LRRC4C: variants seen among roughly 807,000 people sequenced by gnomAD.
LRRC4C encodes leucine rich repeat containing 4C.
Under a neutral mutation model 33.6 loss-of-function variants are expected in LRRC4C, and 5 were observed. The ratio of observed to expected loss-of-function variants is 0.15; its 90% CI spans 0.08 to 0.31. The LOEUF is 0.31. LRRC4C is among the 10% of genes least tolerant of loss of function. The probability of loss-of-function intolerance (pLI) is 1.00; values close to 1 mark genes in which losing one functional copy is unlikely to be tolerated. For synonymous variants in LRRC4C, 329 were observed against 302.0 expected, an observed-to-expected ratio of 1.09 and a Z score of -0.93; for missense variants, 560 against 796.7, an observed-to-expected ratio of 0.70 and a Z score of 3.58.
intron 1 of LRRC4C, among the ~76,000 whole-genome samples, chr11:41,324,911 T>C (rs990802751): frequency 3.9e-5 from 6 of 152,218 alleles, no homozygotes; most frequent in Non-Finnish European, 5.9e-5. Context: ...ATATTTAAAA[T>C]AGAGTTTTGA....
At chr11:40,392,170 G>T (rs1388971278) in intron 3 of LRRC4C, among the ~76,000 whole-genome samples, 2 of 152,140 alleles carry the variant, frequency 1.3e-5, no homozygotes, top group African/African-American at 2.4e-5. Flanking sequence ...GGGATGAATA[G>T]TTGGAACAAA....
chr11:41,325,096 TATA>T (rs1951068939), intron 1 of LRRC4C, among the ~76,000 whole-genome samples: 2 of 152,178 alleles, frequency 1.3e-5, no homozygotes, highest in Non-Finnish European at 2.9e-5. Flanking sequence ...ATTTAAAAAA[TATA>T]ATGTATACTG....
At chr11:40,348,082 G>A (rs892101932) in intron 3 of LRRC4C, among the ~76,000 whole-genome samples, 2 of 151,956 alleles carry the variant, frequency 1.3e-5, no homozygotes, top group Non-Finnish European at 2.9e-5. Flanking sequence ...CATGGATCAC[G>A]GTACCCAAAA....
chr11:40,490,095 AGTGT>A (rs1954070238), intron 3 of LRRC4C, among the ~76,000 whole-genome samples: 1 of 152,174 alleles, frequency 6.6e-6, no homozygotes, highest in South Asian at 2.1e-4. Flanking sequence ...CCTGCCATAT[AGTGT>A]ATGTTCAATA....
chr11:40,429,383 T>C (rs1015096648), intron 3 of LRRC4C, among the ~76,000 whole-genome samples: 2 of 152,198 alleles, frequency 1.3e-5, no homozygotes, highest in Admixed American at 1.3e-4. Context: ...CCTGATGAAC[T>C]GTTAAACTCC....
chr11:41,266,564 G>A (rs980488022), intron 1 of LRRC4C, among the ~76,000 whole-genome samples: 29 of 152,086 alleles, frequency 1.9e-4, no homozygotes, highest in Non-Finnish European at 3.2e-4. Context: ...CAATTGAAAT[G>A]AGAGGAAAAG....
chr11:41,136,262 G>A (rs780994835), intron 1 of LRRC4C, among the ~76,000 whole-genome samples: 3 of 152,076 alleles, frequency 2.0e-5, no homozygotes, highest in African/African-American at 2.4e-5. Flanking sequence ...AATCTTACGC[G>A]TGTAGGGGGC....
intron 3 of LRRC4C, among the ~76,000 whole-genome samples, chr11:40,414,036 A>AT (rs561712326): frequency 6.6e-6 from 1 of 152,004 alleles, no homozygotes; most frequent in Non-Finnish European, 1.5e-5. Flanking sequence ...ATCTAAACAC[A>AT]TTTTTTTGAC....
Position 40,115,470 on chromosome 11 carries a change from C to A in LRRC4C, c.823G>T (p.Ala275Ser). ...NLQSLVEINL[A>S]HNNLTLLPHD... ...GGCAGTAATGTTAGATTATTGTGTG[C>A]CAGGTTGATCTCCACTAGTGACTGA... is the stretch of plus-strand genomic sequence containing the variant. The change falls in exon 7 of 7, where the codon GCA becomes TCA. Residue 275 changes from alanine to serine, a missense_variant. Around this residue, in one of 3 missense-constraint regions of LRRC4C, gnomAD observed 455 missense variants for 643.8 expected, o/e 0.71. Coordinates refer to ENST00000528697, the MANE Select transcript of LRRC4C (RefSeq NM_001258419.2). This position sits in a 1 kb window ranked among gnomAD's most constrained non-coding sequence, Gnocchi z 6.7. 1.2e-6 allele frequency: 2 copies of A among 1,614,148 alleles called. No individual in the cohort carries two copies. The highest frequency in any genetic ancestry group is 1.7e-6 in the Non-Finnish European group (2 of 1,180,022).
At chr11:40,845,883 T>G (rs1170981722) in intron 2 of LRRC4C, among the ~76,000 whole-genome samples, 1 of 152,240 alleles carries the variant, frequency 6.6e-6, no homozygotes, top group Non-Finnish European at 1.5e-5. Flanking sequence ...CTAACTGGCA[T>G]GAGATGGTAT....
At chr11:41,233,317 A>AG (rs1947881283) in intron 1 of LRRC4C, among the ~76,000 whole-genome samples, 1 of 152,040 alleles carries the variant, frequency 6.6e-6, no homozygotes, top group Non-Finnish European at 1.5e-5. Flanking sequence ...TGTTGGCCTT[A>AG]GGGGGAAAAA....
chr11:41,037,574 TCACA>T (rs56234239), intron 1 of LRRC4C, among the ~76,000 whole-genome samples: 4,111 of 148,912 alleles, frequency 0.028, 53 homozygotes, highest in Middle Eastern at 0.045. Context: ...TCTTTTCCTT[TCACA>T]CACACACACA....
At chr11:40,886,437 G>GCA (rs1005366803) in intron 2 of LRRC4C, among the ~76,000 whole-genome samples, 2 of 42,340 alleles carry the variant, frequency 4.7e-5, no homozygotes, top group African/African-American at 1.1e-4. Context: ...ACACACACAC[G>GCA]CACACACTCT....
chr11:40,590,032 T>A (rs9666953), intron 3 of LRRC4C, among the ~76,000 whole-genome samples: 36,642 of 149,258 alleles, frequency 0.25, 4,670 homozygotes, highest in Middle Eastern at 0.36. Context: ...CCTGCCTTGC[T>A]AGATTGGGGA....
chr11:41,123,820 A>C (rs1942600135), intron 1 of LRRC4C, among the ~76,000 whole-genome samples: 1 of 152,210 alleles, frequency 6.6e-6, no homozygotes, highest in South Asian at 2.1e-4. Context: ...GCAGAGAAGA[A>C]TAAGACAACA....
chr11:41,356,345 T>G (rs570115802), intron 1 of LRRC4C, among the ~76,000 whole-genome samples: 1 of 152,206 alleles, frequency 6.6e-6, no homozygotes, highest in African/African-American at 2.4e-5. Flanking sequence ...ACAAAAAAAG[T>G]CTTTTGGGGC....
chr11:41,049,873 G>A (rs1171293326), intron 1 of LRRC4C, among the ~76,000 whole-genome samples: 1 of 152,104 alleles, frequency 6.6e-6, no homozygotes, highest in Non-Finnish European at 1.5e-5. Flanking sequence ...ACTTTGTCTT[G>A]CTAGTCTGCT....
chr11:41,354,817 T>C (rs1952102566), intron 1 of LRRC4C, among the ~76,000 whole-genome samples: 1 of 152,086 alleles, frequency 6.6e-6, no homozygotes. Context: ...AGTTTGAAAC[T>C]GTACTCATTT....
chr11:40,310,524 C>T (rs752110296), intron 4 of LRRC4C, among the ~76,000 whole-genome samples: 16 of 152,078 alleles, frequency 1.1e-4, no homozygotes, highest in Non-Finnish European at 1.6e-4. Context: ...GTGCATCAAT[C>T]GGCACATGCA....
Sources: gnomAD v4.1 joint callset for allele counts (sites outside exome capture counted in the v4.1 genomes callset) on GRCh38, gnomAD v4.1.1 for gene constraint, gnomAD v4.1.1 regional missense constraint, Gnocchi (gnomAD v3.1) non-coding constraint, MANE v1.5 for transcripts, NCBI Gene and HGNC (gene_info 2026-07-23, HGNC 2026-07-21) for gene names.